POLR2E: variants seen among roughly 807,000 people sequenced by gnomAD.
POLR2E encodes RNA polymerase II, I and III subunit E.
A neutral mutation model predicts 29.8 loss-of-function variants in POLR2E; 35 were observed. That is an observed-to-expected ratio of 1.17 (90% CI 0.90 to 1.55). POLR2E has a LOEUF of 1.55. Among genes scored for constraint, POLR2E ranks in the 40% most tolerant of loss-of-function variants. POLR2E has a pLI of 0.00. For missense variants in POLR2E, 287 were observed against 288.6 expected (o/e 0.99, Z 0.04); for synonymous variants, 174 against 112.6 (o/e 1.55, Z -3.45).
At position 1,090,959 on chromosome 19, in the gene POLR2E, G is replaced by A. The variant is rs774440760; in HGVS notation, c.378C>T (p.Ile126=). Reference sequence around the variant, plus strand: ...GCTCCTGCTGCAGAAACTGCTCCAGGATGTACTTGGGGGCCATGTCGACCA... The same window carrying A: ...GCTCCTGCTGCAGAAACTGCTCCAGAATGTACTTGGGGGCCATGTCGACCA... ...QSLVDMAPKY[I]LEQFLQQELL... is the part of the protein sequence containing the mutation. The change falls in exon 4 of 8, where the codon ATC becomes ATT. Residue 126 remains isoleucine, a synonymous_variant. Transcript: ENST00000615234. 2.5e-6 allele frequency: 4 copies of A among 1,613,602 alleles called. No individual in the cohort carries two copies. Among genetic ancestry groups the A allele is most frequent in the African/African-American group, 2.7e-5 (2 of 74,952 alleles).
chr19:1,088,764 T>A (rs528926207), intron 7 of POLR2E, 44 bp from the exon 8 acceptor site: 2 of 150,094 alleles, frequency 1.3e-5, no homozygotes, highest in Admixed American at 6.6e-5. Context: ...GCAGATCCAG[T>A]ATGCCCAGGA....
At chr19:1,093,600 A>ATCTCGGTGGTC in intron 2 of POLR2E, 4 of 434,702 alleles carry the variant, frequency 9.2e-6, no homozygotes, top group South Asian at 5.1e-5. Context: ...AGGATGGGGG[A>ATCTCGGTGGTC]GCCAAGGGAC....
intron 6 of POLR2E, 66 bp from the exon 7 acceptor site, chr19:1,089,617 G>A (rs2043785643): frequency 7.3e-7 from 1 of 1,369,414 alleles, no homozygotes. Context: ...CAGACAGCAG[G>A]CGGGCAGCAC....
At chr19:1,089,228 G>A (rs530773216) in intron 7 of POLR2E, among the ~76,000 whole-genome samples, 52 of 152,342 alleles carry the variant, frequency 3.4e-4, no homozygotes, top group African/African-American at 1.2e-3. Context: ...GGTCAGCGGC[G>A]GAGAGACGCA....
In POLR2E at chr19:1,087,165, G is replaced by GT. The variant is rs1040661069; in HGVS notation, c.*1569dup. 2 of 151,458 alleles carry GT rather than the reference G, an allele frequency of 1.3e-5. No homozygotes were observed. Among genetic ancestry groups the GT allele is most frequent in the African/African-American group, 4.9e-5 (2 of 41,144 alleles). The allele number at this position is 151,458 out of a possible 1,614,324, so 9.4% of individuals were successfully genotyped here. A position where few individuals can be genotyped will look rare whatever the true frequency, so the allele number is the denominator to read the frequency against. On this transcript the variant is annotated 3_prime_UTR_variant, in exon 8 of 8. Coordinates refer to ENST00000615234, the MANE Select transcript of POLR2E (RefSeq NM_002695.5). ...GCCACTGTGCCCAGGTAATCTTAAA[G>GT]TTTTTTGTAGAGGTGGGGGGTTTCT...
intron 7 of POLR2E, 134 bp downstream of exon 7, chr19:1,089,338 C>T: frequency 1.6e-6 from 1 of 625,784 alleles, no homozygotes; most frequent in South Asian, 1.8e-5. Context: ...CCTGGGAGCG[C>T]CTGGTGGCCC....
rs773764915 is a variant in POLR2E at position 1,095,350 on chromosome 19, TCTC to T, written c.-38_-36del. On this transcript the variant is annotated 5_prime_UTR_variant, in exon 1 of 8. Coordinates refer to ENST00000615234, the MANE Select transcript of POLR2E (RefSeq NM_002695.5). ...CGCCGCCGCCGCCGCTCGCACCCCT[TCTC>T]CGCGCGAGAACCCGCGCGGACTGCG... 1.9e-6 allele frequency: 3 copies of T among 1,611,314 alleles called. No individual in the cohort carries two copies. Among genetic ancestry groups the T allele is most frequent in the Non-Finnish European group, 2.5e-6 (3 of 1,178,986 alleles).
Position 1,086,723 on chromosome 19 carries a change from C to T in POLR2E, c.*2012G>A, listed in dbSNP as rs1032360003. 2.6e-5 allele frequency: 4 copies of T among 152,258 alleles called. No individual in the cohort carries two copies. Among genetic ancestry groups the T allele is most frequent in the Non-Finnish European group, 5.9e-5 (4 of 67,996 alleles). 9.4% of individuals were successfully genotyped at this position (152,258 alleles called of 1,614,324 possible). A position where few individuals can be genotyped will look rare whatever the true frequency, so the allele number is the denominator to read the frequency against. ...GGAGGGGACAGAGAGAGCCCCGTGG[C>T]GTGGCCCTGGGCCTCCCCCTAGGGG... On this transcript the variant is annotated 3_prime_UTR_variant, in exon 8 of 8. Transcript: ENST00000615234.
At chr19:1,091,121 C>A (rs111235302) in intron 3 of POLR2E, 133 bp from the exon 4 acceptor site, 18 of 683,708 alleles carry the variant, frequency 2.6e-5, no homozygotes, top group African/African-American at 1.6e-4. Flanking sequence ...GAAAACCCCA[C>A]CGCCAGCCCA....
chr19:1,087,854 G>C lies in POLR2E; in HGVS notation c.*881C>G, dbSNP rs1291505075. 6.6e-6 allele frequency: 1 copy of C among 152,232 alleles called. No homozygotes were observed. The highest frequency in any genetic ancestry group is 1.5e-5 in the Non-Finnish European group (1 of 68,040). 9.4% of individuals were successfully genotyped at this position (152,232 alleles called of 1,614,324 possible). A position where few individuals can be genotyped will look rare whatever the true frequency, so the allele number is the denominator to read the frequency against. On this transcript the variant is annotated 3_prime_UTR_variant, in exon 8 of 8. Coordinates refer to ENST00000615234, the MANE Select transcript of POLR2E (RefSeq NM_002695.5). The stretch of plus-strand genomic sequence containing the variant: ...GAACCACGTGGCTAGGTTAAACTTG[G>C]GCAGGCGAGGCCTTCTGAAATCAGA...
chr19:1,088,860 C>G (rs2043767224), intron 7 of POLR2E, 140 bp from the exon 8 acceptor site: 1 of 152,694 alleles, frequency 6.5e-6, no homozygotes, highest in African/African-American at 2.4e-5. Context: ...GGACGGCTCC[C>G]TTGTGCCCAG....
chr19:1,090,879 G>C, intron 4 of POLR2E, 29 bp downstream of exon 4: 1 of 1,594,614 alleles, frequency 6.3e-7, no homozygotes, highest in Non-Finnish European at 8.6e-7. Context: ...CCGGCCCCAC[G>C]CAGGCGGGAT....
intron 1 of POLR2E, chr19:1,094,875 G>A (rs73507232): frequency 0.019 from 4,237 of 227,430 alleles, 201 homozygotes; most frequent in African/African-American, 0.092. Context: ...TGCCAGCCTC[G>A]GATGCTGAAG....
intron 3 of POLR2E, 48 bp from the exon 4 acceptor site, chr19:1,091,036 C>A: frequency 1.3e-6 from 2 of 1,539,382 alleles, no homozygotes; most frequent in Non-Finnish European, 1.8e-6. Flanking sequence ...CCCAGACAAC[C>A]CCAACCCCAT....
rs538794049 is a variant in POLR2E at position 1,094,158 on chromosome 19, C to A, written c.58-80G>T. 44 of 1,367,462 alleles carry A rather than the reference C, an allele frequency of 3.2e-5. No individual in the cohort carries two copies. In the African/African-American group the frequency reaches 5.8e-4, roughly 18 times the overall value. 84.7% of individuals were successfully genotyped at this position (1,367,462 alleles called of 1,614,324 possible). A position where few individuals can be genotyped will look rare whatever the true frequency, so the allele number is the denominator to read the frequency against. On this transcript the variant is annotated intron_variant, in intron 1 of 7. Transcript: ENST00000615234. ...GCTCGTGACCCGGAAGTCAGACCTG[C>A]GGCTGCTGCAGAGGACAGAGGTGAA...
intron 3 of POLR2E, 108 bp from the exon 4 acceptor site, chr19:1,091,096 C>T (rs1422989584): frequency 6.8e-6 from 6 of 880,660 alleles, no homozygotes; most frequent in Non-Finnish European, 1.1e-5. Context: ...AACAACACAC[C>T]CACGTCGTGA....
intron 1 of POLR2E, 117 bp from the exon 2 acceptor site, chr19:1,094,195 ATGAACACTCACTG>A (rs957032316): frequency 3.7e-5 from 33 of 881,062 alleles, no homozygotes; most frequent in Admixed American, 1.9e-4. Context: ...AGCAAACGGG[ATGAACACTCACTG>A]TGTGCTCCAT....
Position 1,090,992 on chromosome 19 carries a change from G to C in POLR2E, c.349-4C>G, listed in dbSNP as rs1485669502. 6.2e-7 allele frequency: 1 copy of C among 1,613,442 alleles called. No individual in the cohort carries two copies. The highest frequency in any genetic ancestry group is 8.5e-7 in the Non-Finnish European group (1 of 1,179,884). The stretch of plus-strand genomic sequence containing the variant: ...TGGGGGCCATGTCGACCAGGGACTG[G>C]AAGAGAGCGGCTCTAAGGCACGGCC... On this transcript the variant is annotated splice_polypyrimidine_tract_variant and splice_region_variant and intron_variant, in intron 3 of 7. Coordinates refer to ENST00000615234, the MANE Select transcript of POLR2E (RefSeq NM_002695.5).
chr19:1,089,323 G>A (rs2043777957), intron 7 of POLR2E, 149 bp downstream of exon 7: 2 of 601,126 alleles, frequency 3.3e-6, no homozygotes, highest in South Asian at 1.8e-5. Flanking sequence ...GGGGTCTGGG[G>A]GTGTCCTGGG....
Sources: gnomAD v4.1 joint callset for allele counts (sites outside exome capture counted in the v4.1 genomes callset) on GRCh38, gnomAD v4.1.1 for gene constraint, MANE v1.5 for transcripts, NCBI Gene and HGNC (gene_info 2026-07-23, HGNC 2026-07-21) for gene names.